Variants in PRKN observed in about 807,000 individuals in gnomAD.
PRKN encodes the protein E3 ubiquitin-protein ligase parkin.
PRKN carries 56 observed loss-of-function variants against 59.5 expected under a neutral mutation model. The ratio of observed to expected loss-of-function variants is 0.94; its 90% CI spans 0.76 to 1.18. The LOEUF is 1.18. PRKN is among the 50% of genes most tolerant of loss of function. The pLI is 0.00. For missense variants in PRKN, 657 were observed against 596.4 expected (o/e 1.10, Z -1.06); for synonymous variants, 250 against 222.1 (o/e 1.13, Z -1.12).
intron 7 of PRKN, among the ~76,000 whole-genome samples, chr6:161,631,433 C>T (rs888302582): frequency 1.3e-5 from 2 of 152,142 alleles, no homozygotes; most frequent in Non-Finnish European, 2.9e-5. Flanking sequence ...AGTAGCTTTG[C>T]CACGTGTTTT....
chr6:162,173,188 C>T (rs1783366188), intron 4 of PRKN, among the ~76,000 whole-genome samples: 1 of 152,202 alleles, frequency 6.6e-6, no homozygotes, highest in Non-Finnish European at 1.5e-5. Context: ...TGATCACTCT[C>T]AGCCCTCCAG....
chr6:162,563,481 G>T (rs1216181880), intron 1 of PRKN, among the ~76,000 whole-genome samples: 1 of 152,174 alleles, frequency 6.6e-6, no homozygotes, highest in Non-Finnish European at 1.5e-5. Flanking sequence ...CCCTAAAGTA[G>T]ATACAGCTTA....
chr6:161,853,559 G>A (rs1793520961), intron 6 of PRKN, among the ~76,000 whole-genome samples: 1 of 152,198 alleles, frequency 6.6e-6, no homozygotes, highest in African/African-American at 2.4e-5. Flanking sequence ...GCACTAAACT[G>A]AAATTGTGGT....
At chr6:161,638,742 T>A (rs946737114) in intron 7 of PRKN, among the ~76,000 whole-genome samples, 1 of 139,180 alleles carries the variant, frequency 7.2e-6, no homozygotes, top group South Asian at 2.4e-4. Flanking sequence ...GATCTGATTT[T>A]TTTTTTTTTT....
intron 6 of PRKN, among the ~76,000 whole-genome samples, chr6:161,798,843 T>G (rs1171556523): frequency 6.6e-6 from 1 of 152,142 alleles, no homozygotes. Flanking sequence ...AAGAAGAGCC[T>G]GTGCAGACAG....
At chr6:161,858,109 G>A (rs1294178002) in intron 6 of PRKN, among the ~76,000 whole-genome samples, 2 of 152,132 alleles carry the variant, frequency 1.3e-5, no homozygotes, top group East Asian at 1.9e-4. Context: ...ACTAATAATG[G>A]AACAAAAATA....
chr6:162,115,380 A>G (rs6929854), intron 4 of PRKN, among the ~76,000 whole-genome samples: 62,452 of 150,544 alleles, frequency 0.41, 13,827 homozygotes, highest in African/African-American at 0.57. Context: ...AGCACTGGGA[A>G]ATATACCTAA....
chr6:162,308,646 C>G (rs1320336875), intron 2 of PRKN, among the ~76,000 whole-genome samples: 1 of 152,040 alleles, frequency 6.6e-6, no homozygotes, highest in Non-Finnish European at 1.5e-5. Flanking sequence ...ATGTAATTTT[C>G]CTGTCATCTT....
chr6:162,237,976 A>G (rs901945626), intron 3 of PRKN, among the ~76,000 whole-genome samples: 1 of 152,172 alleles, frequency 6.6e-6, no homozygotes, highest in African/African-American at 2.4e-5. Flanking sequence ...GGTAGGTTAC[A>G]AAGAAGCCAT....
chr6:161,402,017 T>A lies in PRKN; in HGVS notation c.1084-15140A>T, dbSNP rs1196307679. 1.3e-5 allele frequency among the ~76,000 whole-genome samples: 2 copies of A among 152,136 alleles called. No homozygotes were observed. Among genetic ancestry groups the A allele is most frequent in the Non-Finnish European group, 2.9e-5 (2 of 68,026 alleles). ...ATAATGGTGAGAGCATTTCCCACAT[T>A]ATCCTCTCGATATGCATCTCTGCCA... On this transcript the variant is annotated intron_variant, in intron 9 of 11. Transcript: ENST00000366898. This position sits in a 1 kb window ranked among gnomAD's most constrained non-coding sequence, Gnocchi z 4.5.
intron 2 of PRKN, among the ~76,000 whole-genome samples, chr6:162,285,555 GT>G (rs150319929): frequency 0.068 from 10,345 of 152,124 alleles, 487 homozygotes; most frequent in Middle Eastern, 0.15. Context: ...AGTATAGTGC[GT>G]GCTTGTTGAA....
At position 161,569,306 on chromosome 6, in the gene PRKN, C is replaced by T. The variant is rs372600741; in HGVS notation, c.933+49G>A. 10 of 1,537,886 alleles carry T rather than the reference C, an allele frequency of 6.5e-6. No homozygotes were observed. In the African/African-American group the frequency reaches 6.8e-5, roughly 10 times the overall value. On this transcript the variant is annotated intron_variant, in intron 8 of 11. Transcript: ENST00000366898. ...TGGGGAGCCCAAACTGTCTCATTAG[C>T]GTCTATCTTTCATGACAGTCTGATG...
chr6:161,684,756 C>A (rs1411546241), intron 7 of PRKN, among the ~76,000 whole-genome samples: 1 of 150,220 alleles, frequency 6.7e-6, no homozygotes, highest in Non-Finnish European at 1.5e-5. Flanking sequence ...TCACTAAAGT[C>A]TATATTTTAG....
chr6:162,672,720 A>G (rs1377071350), intron 1 of PRKN, among the ~76,000 whole-genome samples: 8 of 128,258 alleles, frequency 6.2e-5, no homozygotes, highest in African/African-American at 1.4e-4. Flanking sequence ...GTGTGTGTGT[A>G]TGCATGTGTA....
intron 6 of PRKN, among the ~76,000 whole-genome samples, chr6:161,911,266 T>C (rs1778350847): frequency 1.3e-5 from 2 of 152,160 alleles, no homozygotes; most frequent in Admixed American, 1.3e-4. Context: ...TACACACAGC[T>C]GGCACAATTG....
At chr6:162,044,302 G>A (rs1319589465) in intron 5 of PRKN, among the ~76,000 whole-genome samples, 2 of 152,094 alleles carry the variant, frequency 1.3e-5, no homozygotes, top group Non-Finnish European at 2.9e-5. Context: ...ACGAACAAAC[G>A]AAAAGGAAGT....
At chr6:161,787,319 A>C (rs1273161504) in intron 6 of PRKN, among the ~76,000 whole-genome samples, 3 of 152,200 alleles carry the variant, frequency 2.0e-5, no homozygotes, top group Admixed American at 1.3e-4. Context: ...GTAATCGGTC[A>C]ACTTAATCTG....
At position 162,578,468 on chromosome 6, in the gene PRKN, T is replaced by A. The variant is rs114771976; in HGVS notation, c.8-134995A>T. Among the ~76,000 whole-genome samples, 1,275 of 152,318 alleles carry A rather than the reference T, an allele frequency of 8.4e-3. 16 individuals carry two copies. Among genetic ancestry groups the A allele is most frequent in the African/African-American group, 0.029 (1,201 of 41,570 alleles). ...AATGTTTCTAGATCTCATACATATT[T>A]AAACAAACAGCATAAATATTTCTTA... On this transcript the variant is annotated intron_variant, in intron 1 of 11. Transcript: ENST00000366898.
Position 161,791,202 on chromosome 6 carries a change from AAG to A in PRKN, c.735-5296_735-5295del, listed in dbSNP as rs1790624026. Among the ~76,000 whole-genome samples, 3 of 152,330 alleles carry A rather than the reference AAG, an allele frequency of 2.0e-5. No homozygotes were observed. In the South Asian group the frequency reaches 6.2e-4, roughly 32 times the overall value. ...ATAAATGCTTTCCTTGACAATGCCAAAGAGTTATTTGTAACCAATGATTTCTC... is the reference window on the plus strand; with the variant it reads ...ATAAATGCTTTCCTTGACAATGCCAAAGTTATTTGTAACCAATGATTTCTC... On this transcript the variant is annotated intron_variant, in intron 6 of 11. Transcript: ENST00000366898.
Sources: gnomAD v4.1 joint callset for allele counts (sites outside exome capture counted in the v4.1 genomes callset) on GRCh38, gnomAD v4.1.1 for gene constraint, Gnocchi (gnomAD v3.1) non-coding constraint, MANE v1.5 for transcripts, NCBI Gene and HGNC (gene_info 2026-07-23, HGNC 2026-07-21) for gene names.